The following TMEM260 variants were observed in gnomAD, a reference collection of about 807,000 sequenced individuals.
The protein encoded by TMEM260 is protein O-mannosyl-transferase TMEM260.
Under a neutral mutation model 88.9 loss-of-function variants are expected in TMEM260, and 82 were observed. The ratio of observed to expected loss-of-function variants is 0.92; its 90% CI spans 0.77 to 1.11. The LOEUF (loss-of-function observed/expected upper bound fraction) is 1.11. TMEM260 is among the 50% of genes least tolerant of loss of function. The pLI is 0.00. For synonymous variants in TMEM260, 314 were observed against 309.3 expected (o/e 1.02, Z -0.16); for missense variants, 902 against 853.4 (o/e 1.06, Z -0.71).
At chr14:56,653,735 C>CCAAAACAAAACAAAA (rs771821745), downstream of TMEM260, among the ~76,000 whole-genome samples, 215 of 11,008 alleles carry the variant, frequency 0.02, 6 homozygotes, top group African/African-American at 0.075. Context: ...ACTCTTGTCT[C>CCAAAACAAAACAAAA]CAAAACAAAA....
In TMEM260 at chr14:56,640,540, T is replaced by TG. The variant is rs1055728410; in HGVS notation, c.1869+3946dup. ...CCGAAGGTAGATAAAACCACAGAGA[T>TG]GGGGAAAAAACAGCAGAAAAACCAG... is the stretch of plus-strand genomic sequence containing the variant. On this transcript the variant is annotated intron_variant, in intron 15 of 15. Coordinates refer to ENST00000261556, the MANE Select transcript of TMEM260 (RefSeq NM_017799.4). 1.4e-5 allele frequency among the ~76,000 whole-genome samples: 2 copies of TG among 148,050 alleles called. 1 individual carries two copies. The highest frequency in any genetic ancestry group is 4.5e-4 in the South Asian group (2 of 4,482).
intron 10 of TMEM260, among the ~76,000 whole-genome samples, chr14:56,621,098 A>G (rs1887889024): frequency 6.6e-6 from 1 of 152,094 alleles, no homozygotes; most frequent in Non-Finnish European, 1.5e-5. Context: ...AAATCATACA[A>G]ATGCCATACA....
downstream of TMEM260, among the ~76,000 whole-genome samples, chr14:56,654,426 T>C (rs1045757658): frequency 1.9e-4 from 29 of 152,228 alleles, no homozygotes; most frequent in South Asian, 2.1e-4. Context: ...AAGAAATATG[T>C]CCCAGCTCCA....
intron 3 of TMEM260, among the ~76,000 whole-genome samples, chr14:56,588,606 T>G (rs1885659181): frequency 6.6e-6 from 1 of 152,056 alleles, no homozygotes; most frequent in South Asian, 2.1e-4. Flanking sequence ...TATATTTGCT[T>G]TGCTCTAATG....
At chr14:56,658,814 T>TC in the TMEM260 span, among the ~76,000 whole-genome samples, 7,133 of 151,998 alleles carry the variant, frequency 0.047, 560 homozygotes, top group African/African-American at 0.16. Context: ...CACCGCAACC[T>TC]CCGCCTCCCA....
chr14:56,653,743 A>AACAAAC (rs1890249934), downstream of TMEM260, among the ~76,000 whole-genome samples: 17 of 134,242 alleles, frequency 1.3e-4, no homozygotes, highest in South Asian at 2.3e-4. Context: ...CTCCAAAACA[A>AACAAAC]AAAAAAAAAA....
chr14:56,615,780 T>C, intron 7 of TMEM260, 164 bp from the exon 8 acceptor site: 1 of 575,346 alleles, frequency 1.7e-6, no homozygotes, highest in South Asian at 2.4e-5. Context: ...TTTAAGTCTT[T>C]CTATTGCACT....
Position 56,585,847 on chromosome 14 carries a change from C to G in TMEM260, c.279C>G (p.Arg93=). The change falls in exon 3 of 16, where the codon CGC becomes CGG. Residue 93 remains arginine (R), a synonymous_variant. Coordinates refer to ENST00000261556, the MANE Select transcript of TMEM260 (RefSeq NM_017799.4). ...TTCCTTTTGGTTCAATTGCCTACCG[C>G]GTCAATCTTCTCTGTGGCTTATTTG... ...TLFPFGSIAY[R]VNLLCGLFGA... The G allele has an allele frequency of 6.2e-7, 1 of 1,613,480 alleles. No homozygotes were observed. Among genetic ancestry groups the G allele is most frequent in the Non-Finnish European group, 8.5e-7 (1 of 1,179,702 alleles).
rs1487750591 is a variant in TMEM260 at position 56,648,610 on chromosome 14, G to A, written c.*1113G>A. 1.3e-5 allele frequency: 2 copies of A among 152,652 alleles called. No homozygotes were observed. The highest frequency in any genetic ancestry group is 6.5e-5 in the Admixed American group (1 of 15,282). The allele number at this position is 152,652 out of a possible 1,614,324, so 9.5% of individuals were successfully genotyped here. On this transcript the variant is annotated 3_prime_UTR_variant, in exon 16 of 16. Transcript: ENST00000261556. ...CTGGTGAGTCATTCAGCAAGAAAAG[G>A]CCCCTTACCAGGAATAGTCACAGTT... is the stretch of plus-strand genomic sequence containing the variant.
chr14:56,598,938 C>G (rs888507601), intron 3 of TMEM260, among the ~76,000 whole-genome samples: 1 of 152,158 alleles, frequency 6.6e-6, no homozygotes, highest in African/African-American at 2.4e-5. Context: ...TTTTAAAACT[C>G]TGTTCCATCA....
At chr14:56,637,533 C>CA (rs1889204060) in intron 15 of TMEM260, among the ~76,000 whole-genome samples, 1 of 152,182 alleles carries the variant, frequency 6.6e-6, no homozygotes, top group Admixed American at 6.5e-5. Context: ...TGACTTACGG[C>CA]ACTGGCCACT....
chr14:56,587,069 A>G (rs1161335998), intron 3 of TMEM260, among the ~76,000 whole-genome samples: 1 of 151,654 alleles, frequency 6.6e-6, no homozygotes, highest in East Asian at 1.9e-4. Context: ...GTTCCTTCTG[A>G]GTCTTTTGTA....
intron 12 of TMEM260, among the ~76,000 whole-genome samples, chr14:56,629,653 C>A (rs1888459552): frequency 6.6e-6 from 1 of 152,068 alleles, no homozygotes; most frequent in Admixed American, 6.6e-5. Flanking sequence ...TTTCCTTTAT[C>A]TGAAAATGTC....
At chr14:56,654,095 C>T (rs552153420), downstream of TMEM260, among the ~76,000 whole-genome samples, 1 of 152,294 alleles carries the variant, frequency 6.6e-6, no homozygotes, top group African/African-American at 2.4e-5. Flanking sequence ...AAAAGCTATA[C>T]GTTGAACTTT....
chr14:56,619,350 T>C (rs1887774921), intron 10 of TMEM260: 2 of 152,636 alleles, frequency 1.3e-5, no homozygotes, highest in African/African-American at 4.8e-5. Flanking sequence ...TTTCTTTTTT[T>C]TTTGTAGAGA....
rs377066434 is a variant in TMEM260, at chr14:56,634,996, G to A, written c.1778+44G>A. The A allele has an allele frequency of 5.1e-6, 8 of 1,560,108 alleles. No individual in the cohort carries two copies. In the African/African-American group the frequency reaches 9.5e-5, roughly 18 times the overall value. ...TGTGTGTGCAGTCTATTTTTAATAT[G>A]GCAGGGAAGTAGCTTATGGCACTTT... On this transcript the variant is annotated intron_variant, in intron 14 of 15. Transcript: ENST00000261556.
In TMEM260 at chr14:56,579,956, G is replaced by GGCAGTCCGAGTGGGGCTGCGGCGC. The variant is rs1242157398; in HGVS notation, c.43_66dup (p.Ala15_Arg22dup). The GGCAGTCCGAGTGGGGCTGCGGCGC allele has an allele frequency of 2.5e-5, 31 of 1,239,566 alleles. No homozygotes were observed. Among genetic ancestry groups the GGCAGTCCGAGTGGGGCTGCGGCGC allele is most frequent in the Non-Finnish European group, 3.1e-5 (31 of 988,644 alleles). 76.8% of individuals were successfully genotyped at this position (1,239,566 alleles called of 1,614,324 possible). A position where few individuals can be genotyped will look rare whatever the true frequency, so the allele number is the denominator to read the frequency against. On this transcript the variant is annotated inframe_insertion, in exon 1 of 16. Transcript: ENST00000261556. ...ACGGCAGGGGCCAGGCCCAGGGGCG[G>GGCAGTCCGAGTGGGGCTGCGGCGC]GCAGTCCGAGTGGGGCTGCGGCGCT...
intron 11 of TMEM260, among the ~76,000 whole-genome samples, chr14:56,623,907 T>G (rs991217594): frequency 3.9e-5 from 6 of 152,178 alleles, no homozygotes; most frequent in Non-Finnish European, 7.3e-5. Context: ...TTTGGTGGTG[T>G]TAATGGGAGT....
At chr14:56,658,328 T>C in the TMEM260 span, among the ~76,000 whole-genome samples, 1 of 151,828 alleles carries the variant, frequency 6.6e-6, no homozygotes, top group Non-Finnish European at 1.5e-5. Context: ...GCTGACTGCA[T>C]ACTCCACCTC....
Sources: allele counts gnomAD v4.1 joint callset (sites outside exome capture counted in the v4.1 genomes callset), GRCh38; gene constraint gnomAD v4.1.1; transcripts MANE v1.5; gene names NCBI Gene and HGNC (gene_info 2026-07-23, HGNC 2026-07-21).